The following SGPP2 variants were observed in gnomAD, a reference collection of about 807,000 sequenced individuals.
SGPP2 encodes the protein sphingosine 1-phosphate phosphohydrolase 2.
SGPP2 carries 30 observed loss-of-function variants against 33.9 expected under a neutral mutation model. The ratio of observed to expected loss-of-function variants is 0.89; its 90% CI spans 0.66 to 1.20. SGPP2 has a LOEUF of 1.20. Among genes scored for constraint, SGPP2 ranks in the 50% most tolerant of loss-of-function variants. The probability of loss-of-function intolerance (pLI) is 0.00; values close to 1 mark genes in which losing one functional copy is unlikely to be tolerated. For missense variants in SGPP2, 458 were observed against 532.1 expected (o/e 0.86, Z 1.37); for synonymous variants, 233 against 225.0 (o/e 1.04, Z -0.32).
chr2:222,461,981 G>A (rs1042583506), intron 1 of SGPP2, among the ~76,000 whole-genome samples: 4 of 152,136 alleles, frequency 2.6e-5, no homozygotes, highest in African/African-American at 9.7e-5. Flanking sequence ...AATGGGTTAG[G>A]GGACTGTCCC....
At chr2:222,427,956 G>C (rs917804875) in intron 1 of SGPP2, among the ~76,000 whole-genome samples, 1 of 152,228 alleles carries the variant, frequency 6.6e-6, no homozygotes, top group African/African-American at 2.4e-5. Context: ...AAATTGCCCA[G>C]TAGTCATGAA....
chr2:222,518,109 G>A (rs2106130708), intron 2 of SGPP2, among the ~76,000 whole-genome samples: 1 of 152,334 alleles, frequency 6.6e-6, no homozygotes, highest in Non-Finnish European at 1.5e-5. Flanking sequence ...CCTTCTGAGA[G>A]TGATACTTTT....
In SGPP2 at chr2:222,559,612, C is replaced by G. The variant is rs1306873919; in HGVS notation, c.*714C>G. On this transcript the variant is annotated 3_prime_UTR_variant, in exon 5 of 5. Coordinates refer to ENST00000321276, the MANE Select transcript of SGPP2 (RefSeq NM_152386.4). ...GAGTAGCTGGGACTGTAAGCATAGA[C>G]CACCATGTGCCCAGCTAATTTTTGT... 4 of 152,266 alleles carry G rather than the reference C, an allele frequency of 2.6e-5. No individual in the cohort carries two copies. Among genetic ancestry groups the G allele is most frequent in the African/African-American group, 9.7e-5 (4 of 41,404 alleles). The allele number at this position is 152,266 out of a possible 1,614,324, so 9.4% of individuals were successfully genotyped here.
chr2:222,453,856 T>C (rs904295597), intron 1 of SGPP2, among the ~76,000 whole-genome samples: 18 of 152,146 alleles, frequency 1.2e-4, no homozygotes, highest in African/African-American at 3.9e-4. Flanking sequence ...ACCCGTGCAT[T>C]GTTCAAGGGT....
Position 222,476,885 on chromosome 2 carries a change from T to C in SGPP2, c.378+2159T>C, listed in dbSNP as rs1697943593. Among the ~76,000 whole-genome samples, 1 of 151,930 alleles carries C rather than the reference T, an allele frequency of 6.6e-6. No individual in the cohort carries two copies. On this transcript the variant is annotated intron_variant, in intron 2 of 4. Coordinates refer to ENST00000321276, the MANE Select transcript of SGPP2 (RefSeq NM_152386.4). The surrounding 1 kb of genome is among the most constrained non-coding windows in gnomAD (Gnocchi z 4.3). ...GTGTATATATAGGTGTGTGTATATATGTGTGTTTATTGTATGTATATAGAT... is the reference window on the plus strand; with the variant it reads ...GTGTATATATAGGTGTGTGTATATACGTGTGTTTATTGTATGTATATAGAT...
intron 1 of SGPP2, among the ~76,000 whole-genome samples, chr2:222,425,506 A>G (rs577981012): frequency 6.6e-6 from 1 of 152,294 alleles, no homozygotes; most frequent in African/African-American, 2.4e-5. Context: ...CGCTCCCGCT[A>G]GGTGTTCAAA....
At chr2:222,531,259 A>G (rs925431366) in intron 4 of SGPP2, among the ~76,000 whole-genome samples, 2 of 152,224 alleles carry the variant, frequency 1.3e-5, no homozygotes, top group Non-Finnish European at 2.9e-5. Flanking sequence ...TCAATTTGTA[A>G]AAAACACAGT....
At chr2:222,557,586 C>T (rs989053895) in intron 4 of SGPP2, among the ~76,000 whole-genome samples, 2 of 151,736 alleles carry the variant, frequency 1.3e-5, no homozygotes, top group East Asian at 1.9e-4. Context: ...AACTAAGAAT[C>T]GATTAATTAT....
At chr2:222,556,037 G>A (rs1689392604) in intron 4 of SGPP2, among the ~76,000 whole-genome samples, 1 of 152,160 alleles carries the variant, frequency 6.6e-6, no homozygotes, top group Non-Finnish European at 1.5e-5. Context: ...GGATCCCCAA[G>A]GGGAAATATG....
At chr2:222,485,812 G>T (rs1698097634) in intron 2 of SGPP2, among the ~76,000 whole-genome samples, 1 of 152,226 alleles carries the variant, frequency 6.6e-6, no homozygotes, top group African/African-American at 2.4e-5. Flanking sequence ...GGGTTAGCAA[G>T]TGTTCCCCAT....
intron 1 of SGPP2, among the ~76,000 whole-genome samples, chr2:222,449,462 G>A (rs1288887232): frequency 7.2e-6 from 1 of 138,750 alleles, no homozygotes; most frequent in Non-Finnish European, 1.5e-5. Context: ...CTTTACTCAG[G>A]TCAGCCAATT....
chr2:222,459,121 T>TC (rs1375296288), intron 1 of SGPP2, among the ~76,000 whole-genome samples: 22 of 142,702 alleles, frequency 1.5e-4, no homozygotes, highest in African/African-American at 4.5e-4. Context: ...GACACACTTT[T>TC]TTTTCTTTCT....
chr2:222,513,386 T>G (rs1410657868), intron 2 of SGPP2, among the ~76,000 whole-genome samples: 2 of 152,204 alleles, frequency 1.3e-5, no homozygotes, highest in Non-Finnish European at 2.9e-5. Context: ...GTTTCATTTT[T>G]TATGCTGTGC....
intron 3 of SGPP2, 78 bp from the exon 4 acceptor site, chr2:222,524,866 C>G: frequency 1.8e-6 from 2 of 1,125,400 alleles, no homozygotes; most frequent in Middle Eastern, 2.0e-4. Context: ...ATTAATGAAT[C>G]CTATTCCCAC....
chr2:222,492,006 T>A (rs1252888676), intron 2 of SGPP2, among the ~76,000 whole-genome samples: 6 of 152,198 alleles, frequency 3.9e-5, no homozygotes, highest in African/African-American at 1.4e-4. Flanking sequence ...TCTTAAAAGC[T>A]TCAAAATGAT....
chr2:222,491,448 G>A (rs1030782511), intron 2 of SGPP2, among the ~76,000 whole-genome samples: 2 of 152,174 alleles, frequency 1.3e-5, no homozygotes, highest in African/African-American at 2.4e-5. Context: ...CATGGAGGAA[G>A]GGGAAGCAGG....
chr2:222,476,228 T>C lies in SGPP2; in HGVS notation c.378+1502T>C, dbSNP rs1319087794. 6.6e-6 allele frequency among the ~76,000 whole-genome samples: 1 copy of C among 152,142 alleles called. No individual in the cohort carries two copies. The highest frequency in any genetic ancestry group is 2.4e-5 in the African/African-American group (1 of 41,438). The stretch of plus-strand genomic sequence containing the variant: ...TTTCTCATTTGTAGAACAAGTAGAA[T>C]GGACTTGATCAGGGGTCATAAATTC... On this transcript the variant is annotated intron_variant, in intron 2 of 4. Coordinates refer to ENST00000321276, the MANE Select transcript of SGPP2 (RefSeq NM_152386.4). This position sits in a 1 kb window ranked among gnomAD's most constrained non-coding sequence, Gnocchi z 4.3.
chr2:222,544,725 G>A (rs557019531), intron 4 of SGPP2, among the ~76,000 whole-genome samples: 9 of 152,214 alleles, frequency 5.9e-5, no homozygotes, highest in South Asian at 2.1e-4. Context: ...CAGAACCCAT[G>A]GATATGGAGG....
At chr2:222,554,960 CA>C (rs1689362774) in intron 4 of SGPP2, among the ~76,000 whole-genome samples, 2 of 152,098 alleles carry the variant, frequency 1.3e-5, no homozygotes, top group Non-Finnish European at 2.9e-5. Flanking sequence ...CGATAAAGAA[CA>C]GTTGCATCAT....
Sources: gnomAD v4.1 joint callset for allele counts (sites outside exome capture counted in the v4.1 genomes callset) on GRCh38, gnomAD v4.1.1 for gene constraint, Gnocchi (gnomAD v3.1) non-coding constraint, MANE v1.5 for transcripts, NCBI Gene and HGNC (gene_info 2026-07-23, HGNC 2026-07-21) for gene names.